The following RSF1 variants were observed in gnomAD, a reference collection of about 807,000 sequenced individuals.
The protein encoded by RSF1 is remodeling and spacing factor 1, also known as HBV pX-associated protein 8.
Under a neutral mutation model 145.2 loss-of-function variants are expected in RSF1, and 13 were observed. That is an observed-to-expected ratio of 0.09 (90% confidence interval 0.06 to 0.14). The LOEUF is 0.14. Among genes scored for constraint, RSF1 ranks in the 10% least tolerant of loss-of-function variants. The probability of loss-of-function intolerance (pLI) is 1.00; values close to 1 mark genes in which losing one functional copy is unlikely to be tolerated. For missense variants in RSF1, 1,517 were observed against 1,718.2 expected, an observed-to-expected ratio of 0.88 and a Z score of 2.07; for synonymous variants, 577 against 592.6, an observed-to-expected ratio of 0.97 and a Z score of 0.38.
Position 77,702,214 on chromosome 11 carries a change from T to C in RSF1, c.1015A>G (p.Ser339Gly). 1 of 1,614,032 alleles carries C rather than the reference T, an allele frequency of 6.2e-7. No homozygotes were observed. Among genetic ancestry groups the C allele is most frequent in the South Asian group, 1.1e-5 (1 of 91,016 alleles). The change falls in exon 6 of 16, where the codon AGC becomes GGC. Residue 339 changes from serine to glycine, a missense_variant. This residue lies in a region of RSF1 where 207 missense variants were observed against 191.4 expected (regional missense o/e 1.08). Transcript: ENST00000308488. ...CRADPKDTKS[S>G]MEKPVAQEPE... ...TCCTGTGCCACTGGCTTCTCCATGC[T>C]ACTTTTGGTATCTTTAGGATCTGCT...
chr11:77,831,319 C>T, the RSF1 span, among the ~76,000 whole-genome samples: 1 of 152,164 alleles, frequency 6.6e-6, no homozygotes, highest in East Asian at 1.9e-4. Context: ...CATAAAGTTA[C>T]TTGAACCAGC....
the RSF1 span, among the ~76,000 whole-genome samples, chr11:77,844,094 C>T: frequency 6.6e-6 from 1 of 152,046 alleles, no homozygotes; most frequent in African/African-American, 2.4e-5. Context: ...GGTGGGGACA[C>T]AGCCAAACTG....
the RSF1 span, among the ~76,000 whole-genome samples, chr11:77,871,505 G>A: frequency 6.6e-6 from 1 of 152,204 alleles, no homozygotes; most frequent in Non-Finnish European, 1.5e-5. Flanking sequence ...GGAAAATGGT[G>A]ACTTATGCTG....
the RSF1 span, among the ~76,000 whole-genome samples, chr11:77,833,524 A>G: frequency 6.6e-6 from 1 of 152,202 alleles, no homozygotes; most frequent in Admixed American, 6.5e-5. Context: ...AGTGGCTTAC[A>G]TACAGACAAA....
intron 5 of RSF1, among the ~76,000 whole-genome samples, chr11:77,705,880 C>T (rs1162579739): frequency 6.6e-6 from 1 of 151,864 alleles, no homozygotes; most frequent in South Asian, 2.1e-4. Context: ...ACAAAAAAAC[C>T]CAACAAACCA....
At position 77,731,894 on chromosome 11, in the gene RSF1, T is replaced by C. The variant is rs180681845; in HGVS notation, c.579-6195A>G. ...GTTGGGGGCCCTCATGGAGAACCTC[T>C]GCTAGGGCAGTGTGGAAGGGAAATG... On this transcript the variant is annotated intron_variant, in intron 4 of 15. Coordinates refer to ENST00000308488, the MANE Select transcript of RSF1 (RefSeq NM_016578.4). Among the ~76,000 whole-genome samples, 35 of 152,374 alleles carry C rather than the reference T, an allele frequency of 2.3e-4. 1 individual carries two copies. Among genetic ancestry groups the C allele is most frequent in the Admixed American group, 1.4e-3 (21 of 15,308 alleles).
chr11:77,775,230 A>G (rs1410384834), intron 1 of RSF1, among the ~76,000 whole-genome samples: 5 of 151,484 alleles, frequency 3.3e-5, no homozygotes. Context: ...CCTGGGGGAC[A>G]ACAGCGAGAC....
At chr11:77,726,897 A>C (rs969865238) in intron 4 of RSF1, among the ~76,000 whole-genome samples, 1 of 152,186 alleles carries the variant, frequency 6.6e-6, no homozygotes, top group Non-Finnish European at 1.5e-5. Context: ...TATCCTCATT[A>C]GGCCTCAGCT....
intron 5 of RSF1, among the ~76,000 whole-genome samples, chr11:77,707,976 T>C (rs1960591972): frequency 1.3e-5 from 2 of 152,238 alleles, no homozygotes; most frequent in South Asian, 4.1e-4. Context: ...TGCATCTTGA[T>C]AATAGGATAA....
At position 77,667,353 on chromosome 11, in the gene RSF1, C is replaced by A. The variant is rs781247505; in HGVS notation, c.3890G>T (p.Arg1297Leu). Residue 1297 changes from arginine to leucine, a missense_variant, in exon 16 of 16, where the codon CGC becomes CTC. This residue lies in a region of RSF1 where 240 missense variants were observed against 231.8 expected (regional missense o/e 1.04). Transcript: ENST00000308488. ...CGTCTCAATCCGGTGTAGCCGTTTG[C>A]GGGATGGTTTGCCTTCCTCTTCCTC... ...EEEEEEGKPS[R>L]KRLHRIETDE... 1 of 1,613,956 alleles carries A rather than the reference C, an allele frequency of 6.2e-7. No individual in the cohort carries two copies. Among genetic ancestry groups the A allele is most frequent in the Non-Finnish European group, 8.5e-7 (1 of 1,179,918 alleles).
At chr11:77,762,005 T>C (rs1948177619) in intron 2 of RSF1, 1 of 141,854 alleles carries the variant, frequency 7.0e-6, no homozygotes, top group African/African-American at 2.6e-5. Context: ...CAGCTATTTT[T>C]TGTATTATTT....
chr11:77,671,635 T>A (rs1336475553), intron 15 of RSF1, among the ~76,000 whole-genome samples: 1 of 11,634 alleles, frequency 8.6e-5, no homozygotes, highest in Non-Finnish European at 1.5e-4. Context: ...GTTATATGGA[T>A]TTTTTTTTTT....
intron 7 of RSF1, among the ~76,000 whole-genome samples, chr11:77,697,274 C>T (rs901141573): frequency 4.0e-5 from 6 of 151,640 alleles, no homozygotes; most frequent in African/African-American, 1.5e-4. Context: ...GTTTCTGGTC[C>T]ACACAATTCT....
chr11:77,785,112 G>A (rs1321170084), intron 1 of RSF1, among the ~76,000 whole-genome samples: 1 of 152,140 alleles, frequency 6.6e-6, no homozygotes, highest in Non-Finnish European at 1.5e-5. Context: ...GGAAACCCTG[G>A]TAGTGGTATA....
the RSF1 span, among the ~76,000 whole-genome samples, chr11:77,840,712 G>A: frequency 1.3e-5 from 2 of 152,080 alleles, no homozygotes; most frequent in South Asian, 4.1e-4. Context: ...CTCAGCCCCA[G>A]GTAACAGTTT....
intron 11 of RSF1, among the ~76,000 whole-genome samples, chr11:77,680,065 G>T (rs1432019058): frequency 6.6e-6 from 1 of 152,100 alleles, no homozygotes; most frequent in Non-Finnish European, 1.5e-5. Context: ...AGACATCAAA[G>T]AAATAGATTC....
chr11:77,676,999 C>T lies in RSF1; in HGVS notation c.3134G>A (p.Gly1045Glu). 6.2e-7 allele frequency: 1 copy of T among 1,606,892 alleles called. No individual in the cohort carries two copies. ...EDDIKEADGG[G>E]VGRGKDISTI... is the part of the protein sequence containing the mutation. ...GGAGATATCTTTTCCTCGGCCAACT[C>T]CTGAATTTGGGGGAGGGAAGTTCGG... Residue 1045 changes from glycine (G) to glutamate (E), a missense_variant and splice_region_variant, in exon 13 of 16, where the codon GGA (glycine) becomes GAA (glutamate). By Grantham distance (98) the Gly-to-Glu change is moderately conservative. Transcript: ENST00000308488.
At chr11:77,718,656 A>G (rs1960873843) in intron 5 of RSF1, among the ~76,000 whole-genome samples, 1 of 152,222 alleles carries the variant, frequency 6.6e-6, no homozygotes, top group African/African-American at 2.4e-5. Flanking sequence ...CTCTTATAAG[A>G]TCAGAGGAAC....
At chr11:77,823,406 C>T (rs1590914323), upstream of RSF1, among the ~76,000 whole-genome samples, 1 of 151,678 alleles carries the variant, frequency 6.6e-6, no homozygotes, top group East Asian at 1.9e-4. Context: ...GTGTATATCT[C>T]TTGACCCTGG....
Sources: allele counts gnomAD v4.1 joint callset (sites outside exome capture counted in the v4.1 genomes callset), GRCh38; gene constraint gnomAD v4.1.1; regional missense constraint gnomAD v4.1.1; transcripts MANE v1.5; gene names NCBI Gene and HGNC (gene_info 2026-07-23, HGNC 2026-07-21).